The following ABCA13 variants were observed in gnomAD, a reference collection of about 807,000 sequenced individuals.
ABCA13 encodes the protein ATP binding cassette subfamily A member 13, also known as ATP-binding cassette sub-family A member 13.
In ABCA13, 476 loss-of-function variants were observed where a neutral mutation model predicts 478.7. The observed-to-expected ratio is 0.99, with a 90% CI of 0.92 to 1.07. ABCA13 has a LOEUF of 1.07. ABCA13 is among the 50% of genes least tolerant of loss of function. The pLI, the probability that ABCA13 is intolerant of heterozygous loss-of-function variation, is 0.00. For missense variants in ABCA13, 6,060 were observed against 5,910.6 expected (o/e 1.03, Z -0.83); for synonymous variants, 2,252 against 2,158.9 (o/e 1.04, Z -1.20).
intron 42 of ABCA13, among the ~76,000 whole-genome samples, chr7:48,453,235 A>ATTT (rs33949393): frequency 1.6e-3 from 228 of 145,324 alleles, no homozygotes; most frequent in Non-Finnish European, 2.8e-3. Flanking sequence ...GGAGATTGGG[A>ATTT]TTTTTTTTTT....
At chr7:48,262,187 T>C (rs964679181) in intron 15 of ABCA13, among the ~76,000 whole-genome samples, 1 of 151,988 alleles carries the variant, frequency 6.6e-6, no homozygotes, top group East Asian at 1.9e-4. Flanking sequence ...TGTTGTTACA[T>C]CCATACCATC....
chr7:48,220,072 A>C (rs1366399434), intron 4 of ABCA13, among the ~76,000 whole-genome samples: 2 of 152,216 alleles, frequency 1.3e-5, no homozygotes, highest in Non-Finnish European at 2.9e-5. Flanking sequence ...TTCCCTAAAC[A>C]AAAGCAATTT....
intron 59 of ABCA13, 65 bp downstream of exon 59, chr7:48,615,442 T>C (rs1792476080): frequency 1.4e-6 from 2 of 1,411,462 alleles, no homozygotes; most frequent in Non-Finnish European, 1.9e-6. Context: ...TGCAGGGTTA[T>C]GACTGGAGAT....
intron 41 of ABCA13, 122 bp downstream of exon 41, chr7:48,412,705 T>A: frequency 4.5e-6 from 3 of 664,354 alleles, no homozygotes; most frequent in Non-Finnish European, 6.8e-6. Context: ...GCACTTTTAT[T>A]TACATTTGAT....
At chr7:48,172,795 C>A in intron 1 of ABCA13, among the ~76,000 whole-genome samples, 2 of 50,564 alleles carry the variant, frequency 4.0e-5, no homozygotes, top group Non-Finnish European at 3.1e-5. Flanking sequence ...GAGACTCCGT[C>A]TCAAAAAAAA....
intron 39 of ABCA13, among the ~76,000 whole-genome samples, chr7:48,405,106 C>T (rs977816319): frequency 3.9e-5 from 6 of 152,222 alleles, no homozygotes; most frequent in Admixed American, 1.3e-4. Context: ...CTTTTCATGC[C>T]CATGAACTTT....
Position 48,580,263 on chromosome 7 carries a change from G to A in ABCA13, c.14394G>A (p.Val4798=). 6.2e-7 allele frequency: 1 copy of A among 1,611,200 alleles called. No individual in the cohort carries two copies. Among genetic ancestry groups the A allele is most frequent in the East Asian group, 2.2e-5 (1 of 44,704 alleles). The change falls in exon 56 of 62, where the codon GTG becomes GTA. Residue 4798 remains valine, a synonymous_variant. Coordinates refer to ENST00000435803, the MANE Select transcript of ABCA13 (RefSeq NM_152701.5). ...VDLSSAGTAG[V]LIGYCPQQDA... is the part of the protein sequence containing the mutation. ...TGTCTTCTGCTGGCACGGCAGGCGTGCTCATTGGCTACTGTCCCCAGCAGG... is the reference window on the plus strand; with the variant it reads ...TGTCTTCTGCTGGCACGGCAGGCGTACTCATTGGCTACTGTCCCCAGCAGG...
intron 35 of ABCA13, among the ~76,000 whole-genome samples, chr7:48,376,891 G>T (rs1813565090): frequency 6.6e-6 from 1 of 152,094 alleles, no homozygotes; most frequent in Admixed American, 6.5e-5. Flanking sequence ...AGTGTTTGGG[G>T]AGGGCAGGCA....
At chr7:48,503,516 A>G (rs1392512697) in intron 48 of ABCA13, among the ~76,000 whole-genome samples, 3 of 152,218 alleles carry the variant, frequency 2.0e-5, no homozygotes, top group Admixed American at 2.0e-4. Flanking sequence ...AAAGTTCCAC[A>G]CATAAATGAG....
At chr7:48,539,290 T>C (rs1364544279) in intron 55 of ABCA13, among the ~76,000 whole-genome samples, 1 of 151,048 alleles carries the variant, frequency 6.6e-6, no homozygotes, top group African/African-American at 2.4e-5. Flanking sequence ...AACTAAAAAA[T>C]AGGCACATAA....
intron 40 of ABCA13, among the ~76,000 whole-genome samples, chr7:48,411,991 A>T (rs1819322027): frequency 6.6e-6 from 1 of 151,912 alleles, no homozygotes; most frequent in African/African-American, 2.4e-5. Flanking sequence ...CCTTCAACCC[A>T]GTTTTCTGCT....
chr7:48,565,103 C>A (rs1217603710), intron 55 of ABCA13, among the ~76,000 whole-genome samples: 1 of 151,810 alleles, frequency 6.6e-6, no homozygotes, highest in Non-Finnish European at 1.5e-5. Flanking sequence ...CATAAGCCAC[C>A]ATTTGTTCTT....
At chr7:48,453,235 AT>A (rs33949393) in intron 42 of ABCA13, among the ~76,000 whole-genome samples, 1,848 of 145,212 alleles carry the variant, frequency 0.013, 27 homozygotes, top group African/African-American at 0.041. Context: ...GGAGATTGGG[AT>A]TTTTTTTTTT....
intron 54 of ABCA13, 105 bp downstream of exon 54, chr7:48,524,545 A>G (rs1563392815): frequency 9.4e-7 from 1 of 1,066,054 alleles, no homozygotes; most frequent in East Asian, 2.8e-5. Flanking sequence ...AGAGCCAAAA[A>G]TAGCCTTCAA....
intron 52 of ABCA13, among the ~76,000 whole-genome samples, chr7:48,518,703 A>G (rs1832310791): frequency 2.6e-5 from 4 of 152,126 alleles, no homozygotes; most frequent in Admixed American, 2.0e-4. Context: ...AATAATTTCA[A>G]ATTTTCATTT....
rs1489743741 is a variant in ABCA13 at position 48,272,995 on chromosome 7, T to C, written c.3329T>C (p.Val1110Ala). 1.2e-6 allele frequency: 2 copies of C among 1,613,524 alleles called. No individual in the cohort carries two copies. Among genetic ancestry groups the C allele is most frequent in the South Asian group, 2.2e-5 (2 of 91,078 alleles). ...TCGGACAATAAACACATTTCTTCCG[T>C]AAATTATTCAACAAGTGAGGAGTCT... ...LISDNKHISS[V>A]NYSTSEESSF... Residue 1110 changes from valine to alanine, a missense_variant, in exon 17 of 62, where the codon GTA becomes GCA. By Grantham distance (64) the Val-to-Ala change is moderately conservative. Coordinates refer to ENST00000435803, the MANE Select transcript of ABCA13 (RefSeq NM_152701.5).
chr7:48,503,199 A>G (rs1287076630), intron 48 of ABCA13, among the ~76,000 whole-genome samples: 2 of 152,066 alleles, frequency 1.3e-5, no homozygotes, highest in Non-Finnish European at 2.9e-5. Flanking sequence ...CAGTCCTCCC[A>G]CCTCAGCCTT....
At chr7:48,469,386 A>G (rs1451611711) in intron 44 of ABCA13, among the ~76,000 whole-genome samples, 1 of 152,118 alleles carries the variant, frequency 6.6e-6, no homozygotes, top group Non-Finnish European at 1.5e-5. Context: ...CATACCAGGG[A>G]TCATGATAGA....
At chr7:48,205,366 A>G (rs1012423754) in intron 3 of ABCA13, among the ~76,000 whole-genome samples, 4 of 152,182 alleles carry the variant, frequency 2.6e-5, no homozygotes, top group African/African-American at 9.7e-5. Flanking sequence ...ATTATTAAAC[A>G]GTTTATCAAT....
Sources: allele counts gnomAD v4.1 joint callset (sites outside exome capture counted in the v4.1 genomes callset), GRCh38; gene constraint gnomAD v4.1.1; transcripts MANE v1.5; gene names NCBI Gene and HGNC (gene_info 2026-07-23, HGNC 2026-07-21).